Variants in STPG2 observed in about 807,000 individuals in gnomAD.
The protein encoded by STPG2 is sperm tail PG-rich repeat containing 2.
Under a neutral mutation model 54.2 loss-of-function variants are expected in STPG2, and 56 were observed. The observed-to-expected ratio is 1.03, with a 90% CI of 0.83 to 1.29. The LOEUF is 1.29. Among genes scored for constraint, STPG2 ranks in the 50% most tolerant of loss-of-function variants. The probability of loss-of-function intolerance (pLI) is 0.00; values close to 1 mark genes in which losing one functional copy is unlikely to be tolerated. For missense variants in STPG2, 596 were observed against 544.9 expected (o/e 1.09, Z -0.93); for synonymous variants, 200 against 181.8 (o/e 1.10, Z -0.81).
intron 4 of STPG2, among the ~76,000 whole-genome samples, chr4:97,460,455 C>T (rs1420406389): frequency 1.3e-5 from 2 of 148,946 alleles, no homozygotes; most frequent in African/African-American, 5.0e-5. Context: ...TTTTGTAATT[C>T]TGGAGACTTT....
At chr4:97,859,175 T>C (rs989624778) in intron 8 of STPG2, among the ~76,000 whole-genome samples, 3 of 152,204 alleles carry the variant, frequency 2.0e-5, no homozygotes, top group African/African-American at 7.2e-5. Context: ...CATACGTTTG[T>C]TGGCTATTTG....
At chr4:98,087,459 C>T (rs981548891) in intron 5 of STPG2, among the ~76,000 whole-genome samples, 3 of 152,096 alleles carry the variant, frequency 2.0e-5, no homozygotes, top group South Asian at 2.1e-4. Context: ...TCTACTTCTA[C>T]TCAAAATGCC....
chr4:97,500,869 G>A (rs1018273493), intron 4 of STPG2, among the ~76,000 whole-genome samples: 1 of 152,048 alleles, frequency 6.6e-6, no homozygotes, highest in Non-Finnish European at 1.5e-5. Context: ...GAATAAGAGG[G>A]AAAGAGTTGG....
chr4:97,530,536 T>C (rs1015431168), intron 4 of STPG2, among the ~76,000 whole-genome samples: 1 of 151,982 alleles, frequency 6.6e-6, no homozygotes, highest in Admixed American at 6.6e-5. Context: ...GTATTTCAAA[T>C]GGATGGATTA....
chr4:98,143,169 G>C lies in STPG2; in HGVS notation c.-19C>G, dbSNP rs1188463181. ...CATACATAGTGCTCGGGGTGGTGGG[G>C]GCGCTGGGGAAGGGCAGGTGCCGAA... On this transcript the variant is annotated 5_prime_UTR_variant, in exon 1 of 11. Transcript: ENST00000295268. 3 of 1,601,172 alleles carry C rather than the reference G, an allele frequency of 1.9e-6. No homozygotes were observed. Among genetic ancestry groups the C allele is most frequent in the Non-Finnish European group, 2.6e-6 (3 of 1,170,368 alleles).
At chr4:98,089,703 T>G (rs1308876026) in intron 5 of STPG2, among the ~76,000 whole-genome samples, 1 of 137,548 alleles carries the variant, frequency 7.3e-6, no homozygotes. Context: ...GCTAGATCCA[T>G]GCCAACATCT....
Position 98,103,273 on chromosome 4 carries a change from C to G in STPG2, c.612+2680G>C, listed in dbSNP as rs191513960. Among the ~76,000 whole-genome samples the G allele has an allele frequency of 1.6e-4, 24 of 152,184 alleles. No homozygotes were observed. The East Asian group carries it at 4.6e-3, about 29-fold the overall frequency. On this transcript the variant is annotated intron_variant, in intron 5 of 10. Transcript: ENST00000295268. Reference sequence around the variant, plus strand: ...TTTACTATGACTAAATGTACATACACTTATTAATAGTAATAAAAATCATAT... The same window carrying G: ...TTTACTATGACTAAATGTACATACAGTTATTAATAGTAATAAAAATCATAT...
At chr4:97,803,005 C>T (rs1419922328) in intron 9 of STPG2, among the ~76,000 whole-genome samples, 1 of 152,096 alleles carries the variant, frequency 6.6e-6, no homozygotes, top group South Asian at 2.1e-4. Context: ...ACTCACCTGC[C>T]CTCACCACCC....
chr4:97,609,815 G>T (rs6532687), intron 10 of STPG2, among the ~76,000 whole-genome samples: 1 of 151,764 alleles, frequency 6.6e-6, no homozygotes, highest in South Asian at 2.1e-4. Context: ...TTAATGTTAC[G>T]TACATGTTGA....
intron 7 of STPG2, among the ~76,000 whole-genome samples, chr4:97,971,109 T>A (rs138177489): frequency 0.012 from 1,776 of 152,198 alleles, 30 homozygotes; most frequent in African/African-American, 0.041. Context: ...TGAGATACCA[T>A]CTCACACCAG....
At chr4:97,476,844 A>C (rs1045729009) in intron 4 of STPG2, among the ~76,000 whole-genome samples, 1 of 152,156 alleles carries the variant, frequency 6.6e-6, no homozygotes, top group African/African-American at 2.4e-5. Context: ...ATAAACTCTA[A>C]GTGGTTCCAA....
At chr4:97,722,056 C>T (rs1282050419) in intron 9 of STPG2, among the ~76,000 whole-genome samples, 1 of 145,594 alleles carries the variant, frequency 6.9e-6, no homozygotes, top group East Asian at 2.0e-4. Context: ...ATGTCCCCCT[C>T]CCCTCCTTTT....
At chr4:97,445,782 A>G (rs929943325) in intron 4 of STPG2, among the ~76,000 whole-genome samples, 7 of 152,172 alleles carry the variant, frequency 4.6e-5, no homozygotes, top group Admixed American at 1.3e-4. Flanking sequence ...ATTAAACTTT[A>G]TATTTTATTA....
chr4:97,625,925 G>A (rs1010821844), intron 10 of STPG2, among the ~76,000 whole-genome samples: 1 of 152,136 alleles, frequency 6.6e-6, no homozygotes, highest in African/African-American at 2.4e-5. Context: ...CTGATCCCAG[G>A]TCAAATGATG....
intron 10 of STPG2, among the ~76,000 whole-genome samples, chr4:97,645,424 GA>G (rs1017854799): frequency 3.9e-5 from 6 of 152,066 alleles, no homozygotes; most frequent in African/African-American, 7.2e-5. Context: ...ATAGTATCAA[GA>G]AGGCTTTTTA....
At chr4:97,643,963 C>A (rs1277094102) in intron 10 of STPG2, among the ~76,000 whole-genome samples, 1 of 151,758 alleles carries the variant, frequency 6.6e-6, no homozygotes, top group African/African-American at 2.4e-5. Context: ...AGATGAATGT[C>A]TTTTAAACAT....
chr4:97,541,424 G>A (rs1170079002), intron 4 of STPG2, among the ~76,000 whole-genome samples: 1 of 152,108 alleles, frequency 6.6e-6, no homozygotes, highest in Non-Finnish European at 1.5e-5. Context: ...GGATGTGTAG[G>A]ATCTGTTTAA....
intron 3 of STPG2, among the ~76,000 whole-genome samples, chr4:98,117,994 A>T (rs1407431674): frequency 6.6e-6 from 1 of 152,102 alleles, no homozygotes; most frequent in Non-Finnish European, 1.5e-5. Flanking sequence ...ATGTCTCAAA[A>T]TTCTTTGCTG....
At chr4:98,119,372 A>G (rs1222448640) in intron 3 of STPG2, among the ~76,000 whole-genome samples, 1 of 152,028 alleles carries the variant, frequency 6.6e-6, no homozygotes, top group Non-Finnish European at 1.5e-5. Flanking sequence ...AATAAACTGT[A>G]CTCTTCAAAA....
Sources: allele counts gnomAD v4.1 joint callset (sites outside exome capture counted in the v4.1 genomes callset), GRCh38; gene constraint gnomAD v4.1.1; transcripts MANE v1.5; gene names NCBI Gene and HGNC (gene_info 2026-07-23, HGNC 2026-07-21).